The following LRRC37A2 variants were observed in gnomAD, a reference collection of about 807,000 sequenced individuals.
The protein encoded by LRRC37A2 is leucine-rich repeat-containing protein 37A2.
A neutral mutation model predicts 68.8 loss-of-function variants in LRRC37A2; 9 were observed. That is an observed-to-expected ratio of 0.13 (90% CI 0.08 to 0.23). The LOEUF (loss-of-function observed/expected upper bound fraction) is 0.23. Ranked by LOEUF, LRRC37A2 falls within the 10% of genes least tolerant of loss-of-function variation. The probability of loss-of-function intolerance (pLI) is 1.00; values close to 1 mark genes in which losing one functional copy is unlikely to be tolerated. For synonymous variants in LRRC37A2, 63 were observed against 367.6 expected, an observed-to-expected ratio of 0.17 and a Z score of 9.48; for missense variants, 168 against 950.4, an observed-to-expected ratio of 0.18 and a Z score of 10.82.
At chr17:46,980,960 C>CAACATTAA in the LRRC37A2 span, among the ~76,000 whole-genome samples, 1 of 152,184 alleles carries the variant, frequency 6.6e-6, no homozygotes, top group Non-Finnish European at 1.5e-5. Context: ...TCCCCACCCC[C>CAACATTAA]AACATTGTTA....
the LRRC37A2 span, among the ~76,000 whole-genome samples, chr17:46,967,552 C>T: frequency 2.6e-5 from 4 of 152,218 alleles, no homozygotes; most frequent in East Asian, 7.7e-4. Context: ...TTGGGGGAAG[C>T]AGAGCAGCAG....
chr17:46,865,267 A>G, the LRRC37A2 span, among the ~76,000 whole-genome samples: 5 of 152,216 alleles, frequency 3.3e-5, no homozygotes, highest in African/African-American at 4.8e-5. Context: ...CGAGCTGCTC[A>G]CTACCCACTT....
chr17:46,935,218 A>G, the LRRC37A2 span: 1 of 1,611,916 alleles, frequency 6.2e-7, no homozygotes, highest in Non-Finnish European at 8.5e-7. Flanking sequence ...TTTTAGCCTC[A>G]TCCAACAGTT....
the LRRC37A2 span, among the ~76,000 whole-genome samples, chr17:46,892,037 A>T: frequency 6.7e-6 from 1 of 148,746 alleles, no homozygotes; most frequent in Non-Finnish European, 1.5e-5. Flanking sequence ...CTCCTGCCTC[A>T]GCTCTGGAGT....
At chr17:46,934,219 A>G in the LRRC37A2 span, among the ~76,000 whole-genome samples, 6,707 of 138,834 alleles carry the variant, frequency 0.048, 206 homozygotes, top group Admixed American at 0.11. Flanking sequence ...GTGATCTTGG[A>G]CAAGTTATTC....
chr17:46,951,104 C>T, the LRRC37A2 span, among the ~76,000 whole-genome samples: 1 of 152,322 alleles, frequency 6.6e-6, no homozygotes, highest in Middle Eastern at 3.4e-3. Context: ...CCAAAGGCTT[C>T]TCCAGCTTGA....
the LRRC37A2 span, among the ~76,000 whole-genome samples, chr17:46,867,953 C>T: frequency 2.0e-5 from 3 of 152,032 alleles, no homozygotes; most frequent in East Asian, 5.8e-4. Flanking sequence ...GGTGAAGGTG[C>T]AGAGAACAGA....
the LRRC37A2 span, among the ~76,000 whole-genome samples, chr17:46,786,301 C>A: frequency 3.3e-5 from 5 of 152,148 alleles, no homozygotes; most frequent in Admixed American, 6.5e-5. Flanking sequence ...AGGGGTCCTG[C>A]ACCCCTGGCC....
At chr17:47,006,206 G>A in the LRRC37A2 span, among the ~76,000 whole-genome samples, 1 of 152,070 alleles carries the variant, frequency 6.6e-6, no homozygotes, top group African/African-American at 2.4e-5. Context: ...GTTTTCTACA[G>A]CAGTTTATTT....
chr17:47,025,169 T>TA, the LRRC37A2 span, among the ~76,000 whole-genome samples: 1 of 152,120 alleles, frequency 6.6e-6, no homozygotes, highest in Non-Finnish European at 1.5e-5. Context: ...CAAAGAGAAA[T>TA]ATGTGAGAGA....
At chr17:46,963,277 G>A in the LRRC37A2 span, among the ~76,000 whole-genome samples, 1 of 152,228 alleles carries the variant, frequency 6.6e-6, no homozygotes, top group Admixed American at 6.5e-5. Flanking sequence ...AGGTGCAGTG[G>A]CTCACGCCTA....
chr17:46,998,456 G>A, the LRRC37A2 span, among the ~76,000 whole-genome samples: 5 of 152,188 alleles, frequency 3.3e-5, no homozygotes, highest in African/African-American at 9.7e-5. Context: ...CCTTTAACTC[G>A]GGGCCTGTAT....
At chr17:46,786,197 G>A in the LRRC37A2 span, among the ~76,000 whole-genome samples, 3 of 152,038 alleles carry the variant, frequency 2.0e-5, no homozygotes, top group Non-Finnish European at 2.9e-5. Flanking sequence ...ACCTGGGGAG[G>A]AGGAAAGAGA....
chr17:46,718,624 G>A, the LRRC37A2 span, among the ~76,000 whole-genome samples: 1 of 152,170 alleles, frequency 6.6e-6, no homozygotes, highest in East Asian at 1.9e-4. Flanking sequence ...CACTAGAGTA[G>A]TATAACATGA....
chr17:46,781,498 A>T, the LRRC37A2 span, among the ~76,000 whole-genome samples: 1 of 152,222 alleles, frequency 6.6e-6, no homozygotes, highest in South Asian at 2.1e-4. Context: ...AACCAGACAC[A>T]TAAGGACAAA....
chr17:47,038,533 G>C, the LRRC37A2 span, among the ~76,000 whole-genome samples: 1 of 150,746 alleles, frequency 6.6e-6, no homozygotes, highest in African/African-American at 2.4e-5. Flanking sequence ...TTGTAGTTCA[G>C]ATTAATTCCA....
At chr17:46,714,510 C>T in the LRRC37A2 span, among the ~76,000 whole-genome samples, 2 of 152,178 alleles carry the variant, frequency 1.3e-5, no homozygotes, top group African/African-American at 4.8e-5. Flanking sequence ...CCACTCGTCA[C>T]CTTCTTAATT....
At chr17:47,048,596 G>A in the LRRC37A2 span, among the ~76,000 whole-genome samples, 2 of 100,540 alleles carry the variant, frequency 2.0e-5, no homozygotes, top group African/African-American at 7.0e-5. Flanking sequence ...TTTTTTCCAT[G>A]TCGCATCTTC....
the LRRC37A2 span, chr17:46,935,338 G>GCC: frequency 6.8e-7 from 1 of 1,479,474 alleles, no homozygotes; most frequent in Non-Finnish European, 8.9e-7. Context: ...GTTATTGTGA[G>GCC]CCTGAAAGTA....
Sources: allele counts gnomAD v4.1 joint callset (sites outside exome capture counted in the v4.1 genomes callset), GRCh38; gene constraint gnomAD v4.1.1; transcripts MANE v1.5; gene names NCBI Gene and HGNC (gene_info 2026-07-23, HGNC 2026-07-21).